PSEN1: variants seen among roughly 807,000 people sequenced by gnomAD.
PSEN1 encodes presenilin 1.
PSEN1 carries 15 observed loss-of-function variants against 53.5 expected under a neutral mutation model. That is an observed-to-expected ratio of 0.28 (90% CI 0.19 to 0.43). The LOEUF (loss-of-function observed/expected upper bound fraction) is 0.43. PSEN1 is among the 20% of genes least tolerant of loss of function. The pLI, the probability that PSEN1 is intolerant of heterozygous loss-of-function variation, is 1.00. For synonymous variants in PSEN1, 208 were observed against 209.8 expected (o/e 0.99, Z 0.08); for missense variants, 387 against 571.2 (o/e 0.68, Z 3.29).
intron 7 of PSEN1, chr14:73,197,779 A>G (rs1899014221): frequency 2.0e-6 from 1 of 497,182 alleles, no homozygotes; most frequent in Non-Finnish European, 3.6e-6. Context: ...GATACACTGT[A>G]CACTAAGCAA....
At chr14:73,189,281 AG>A (rs1438268704) in intron 6 of PSEN1, among the ~76,000 whole-genome samples, 3 of 152,222 alleles carry the variant, frequency 2.0e-5, no homozygotes, top group African/African-American at 7.2e-5. Flanking sequence ...TTACTAAGTA[AG>A]TTTGGTAAGG....
intron 3 of PSEN1, among the ~76,000 whole-genome samples, chr14:73,149,321 GT>G (rs562425953): frequency 1.2e-3 from 167 of 144,638 alleles, no homozygotes; most frequent in Middle Eastern, 7.2e-3. Context: ...GAGGTTCTGT[GT>G]TTTTTTTTTT....
intron 1 of PSEN1, among the ~76,000 whole-genome samples, chr14:73,145,888 C>A (rs1161212007): frequency 6.6e-6 from 1 of 152,030 alleles, no homozygotes; most frequent in Non-Finnish European, 1.5e-5. Flanking sequence ...GGGTGGATCA[C>A]TTGTGGTCAG....
At chr14:73,147,920 C>A in intron 2 of PSEN1, 44 bp downstream of exon 2, 2 of 875,090 alleles carry the variant, frequency 2.3e-6, no homozygotes, top group Non-Finnish European at 3.8e-6. Flanking sequence ...TTTTTTATAA[C>A]AGTATAATTG....
At chr14:73,146,251 G>A (rs1210458951) in intron 1 of PSEN1, 3 of 145,000 alleles carry the variant, frequency 2.1e-5, no homozygotes, top group Non-Finnish European at 4.5e-5. Flanking sequence ...ACAGTGACGA[G>A]ATCTTGGCTC....
chr14:73,152,195 G>C (rs923862230), intron 3 of PSEN1, among the ~76,000 whole-genome samples: 3 of 146,222 alleles, frequency 2.1e-5, no homozygotes, highest in Non-Finnish European at 3.0e-5. Context: ...ATTTTTTAAT[G>C]TGAGGAAAGG....
intron 3 of PSEN1, among the ~76,000 whole-genome samples, chr14:73,154,222 A>C (rs1897299339): frequency 6.6e-6 from 1 of 152,166 alleles, no homozygotes; most frequent in African/African-American, 2.4e-5. Context: ...GAAAAACGTT[A>C]GCATTTGGGG....
intron 8 of PSEN1, among the ~76,000 whole-genome samples, chr14:73,199,839 G>C (rs1033112043): frequency 2.0e-5 from 3 of 152,040 alleles, no homozygotes; most frequent in Non-Finnish European, 4.4e-5. Context: ...TCCGCCTCCT[G>C]GGTTCAAGCA....
chr14:73,176,259 C>A (rs981359479), intron 5 of PSEN1, among the ~76,000 whole-genome samples: 4 of 152,262 alleles, frequency 2.6e-5, no homozygotes, highest in African/African-American at 9.6e-5. Flanking sequence ...TCACCTCCCC[C>A]ACTTTAAAAA....
chr14:73,139,769 A>T (rs1035784244), intron 1 of PSEN1, among the ~76,000 whole-genome samples: 5 of 152,130 alleles, frequency 3.3e-5, no homozygotes, highest in Admixed American at 1.3e-4. Flanking sequence ...AGAATTCCCA[A>T]CCCTCATCAA....
intron 3 of PSEN1, among the ~76,000 whole-genome samples, chr14:73,153,154 C>T (rs1170507223): frequency 6.6e-6 from 1 of 152,158 alleles, no homozygotes; most frequent in Non-Finnish European, 1.5e-5. Context: ...GAATCTGCAG[C>T]TCTGGTTAGC....
At chr14:73,177,446 T>G (rs1476957902) in intron 5 of PSEN1, among the ~76,000 whole-genome samples, 1 of 152,188 alleles carries the variant, frequency 6.6e-6, no homozygotes, top group African/African-American at 2.4e-5. Flanking sequence ...CTTTGTCACC[T>G]AGGCAAGAGT....
intron 9 of PSEN1, among the ~76,000 whole-genome samples, chr14:73,208,154 G>A (rs1035772808): frequency 2.0e-5 from 3 of 152,188 alleles, no homozygotes; most frequent in African/African-American, 7.2e-5. Flanking sequence ...ACTCCCCGAA[G>A]GGCCACATCT....
intron 3 of PSEN1, among the ~76,000 whole-genome samples, chr14:73,155,513 T>G (rs899448863): frequency 6.6e-6 from 1 of 151,304 alleles, no homozygotes; most frequent in Admixed American, 6.6e-5. Flanking sequence ...TCATTATTAT[T>G]TTTTTTTTGA....
At chr14:73,165,277 A>G (rs943623210) in intron 3 of PSEN1, among the ~76,000 whole-genome samples, 1 of 152,068 alleles carries the variant, frequency 6.6e-6, no homozygotes, top group Admixed American at 6.5e-5. Flanking sequence ...TTTTTTAAAT[A>G]AAGAAATTAA....
intron 3 of PSEN1, 61 bp downstream of exon 3, chr14:73,148,167 A>C: frequency 7.7e-7 from 1 of 1,300,324 alleles, no homozygotes; most frequent in Non-Finnish European, 1.1e-6. Context: ...ATCTCCCCTC[A>C]CCTCTGAGAA....
intron 3 of PSEN1, among the ~76,000 whole-genome samples, chr14:73,154,065 A>T (rs1319632657): frequency 1.3e-5 from 2 of 152,180 alleles, no homozygotes; most frequent in African/African-American, 2.4e-5. Flanking sequence ...TTAAGTAAAT[A>T]TTCAGACTAT....
intron 3 of PSEN1, among the ~76,000 whole-genome samples, chr14:73,154,440 A>AG (rs1051703485): frequency 1.3e-5 from 2 of 151,300 alleles, no homozygotes; most frequent in African/African-American, 4.9e-5. Flanking sequence ...TCTACAAAAA[A>AG]AAAAGTGAAA....
At chr14:73,186,530 A>G (rs1274731172) in intron 5 of PSEN1, among the ~76,000 whole-genome samples, 1 of 152,180 alleles carries the variant, frequency 6.6e-6, no homozygotes, top group African/African-American at 2.4e-5. Flanking sequence ...TAATCTCAGC[A>G]CTTTGGGAGT....
Sources: allele counts gnomAD v4.1 joint callset (sites outside exome capture counted in the v4.1 genomes callset), GRCh38; gene constraint gnomAD v4.1.1; transcripts MANE v1.5; gene names NCBI Gene and HGNC (gene_info 2026-07-23, HGNC 2026-07-21).